The following RBM12 variants were observed in gnomAD, a reference collection of about 807,000 sequenced individuals.
The protein encoded by RBM12 is RNA binding motif protein 12.
A neutral mutation model predicts 37.2 loss-of-function variants in RBM12; 24 were observed. The ratio of observed to expected loss-of-function variants is 0.65; its 90% CI spans 0.47 to 0.91. The LOEUF (loss-of-function observed/expected upper bound fraction) is 0.91. Ranked by LOEUF, RBM12 falls within the 40% of genes least tolerant of loss-of-function variation. The pLI is 0.00. For synonymous variants in RBM12, 420 were observed against 425.2 expected, an observed-to-expected ratio of 0.99 and a Z score of 0.15; for missense variants, 1,061 against 1,183.2, an observed-to-expected ratio of 0.90 and a Z score of 1.52.
chr20:35,664,011 T>C (rs2034390393), intron 1 of RBM12, among the ~76,000 whole-genome samples: 1 of 152,310 alleles, frequency 6.6e-6, no homozygotes, highest in African/African-American at 2.4e-5. Flanking sequence ...CCTTCCCTAC[T>C]GGGGGACCAA....
chr20:35,655,032 T>C lies in RBM12; in HGVS notation c.291A>G (p.Ile97Met), dbSNP rs201065667. The change falls in exon 3 of 3, where the codon ATA becomes ATG. Residue 97 changes from isoleucine (I) to methionine (M), a missense_variant. Ile to Met is a conservative substitution (Grantham distance 10). This residue lies in a region of RBM12 where 540 missense variants were observed against 632.7 expected (regional missense o/e 0.85). Transcript: ENST00000374114. ...CTGATCTACTGGCATTTGCTGGTGG[T>C]ATATCTAAGTTGGCAGTTTCAAAAC... ...RRRFETANLD[I>M]PPANASRSGP... 15 of 1,614,154 alleles carry C rather than the reference T, an allele frequency of 9.3e-6. No homozygotes were observed. In the African/African-American group the frequency reaches 2.0e-4, roughly 22 times the overall value.
chr20:35,663,750 CCCG>C (rs1182963269), intron 1 of RBM12, among the ~76,000 whole-genome samples: 2 of 152,186 alleles, frequency 1.3e-5, no homozygotes, highest in East Asian at 3.8e-4. Context: ...ACACAAAAAG[CCCG>C]TACGTTTACA....
intron 1 of RBM12, among the ~76,000 whole-genome samples, chr20:35,664,060 G>A (rs73905926): frequency 6.6e-6 from 1 of 152,026 alleles, no homozygotes; most frequent in East Asian, 1.9e-4. Flanking sequence ...AGCCTCAGGA[G>A]GCGTACTCAC....
At chr20:35,661,296 C>A (rs2034218003) in intron 1 of RBM12, among the ~76,000 whole-genome samples, 1 of 152,170 alleles carries the variant, frequency 6.6e-6, no homozygotes, top group South Asian at 2.1e-4. Flanking sequence ...CACTGTTTTC[C>A]AGGAAACTAC....
At chr20:35,660,968 A>G (rs1938923372) in intron 1 of RBM12, among the ~76,000 whole-genome samples, 1 of 152,242 alleles carries the variant, frequency 6.6e-6, no homozygotes, top group African/African-American at 2.4e-5. Flanking sequence ...TAAAAGGAAG[A>G]TATTTCTCAT....
chr20:35,653,535 A>T lies in RBM12; in HGVS notation c.1788T>A (p.Asp596Glu). Residue 596 changes from aspartate to glutamate, a missense_variant, in exon 3 of 3, where the codon GAT (aspartate) becomes GAA (glutamate). Transcript: ENST00000374114. ...GQALVQFKNEDDARKSERLHR... is the reference protein window; with the variant it reads ...GQALVQFKNEEDARKSERLHR... ...GTAAGCGTTCAGACTTACGTGCATCATCTTCATTTTTAAACTGAACCAATG... is the reference window on the plus strand; with the variant it reads ...GTAAGCGTTCAGACTTACGTGCATCTTCTTCATTTTTAAACTGAACCAATG... 1 of 1,614,226 alleles carries T rather than the reference A, an allele frequency of 6.2e-7. No individual in the cohort carries two copies. The highest frequency in any genetic ancestry group is 8.5e-7 in the Non-Finnish European group (1 of 1,180,044).
chr20:35,662,169 A>G (rs1425236088), intron 1 of RBM12, among the ~76,000 whole-genome samples: 1 of 152,172 alleles, frequency 6.6e-6, no homozygotes, highest in Non-Finnish European at 1.5e-5. Context: ...TCCGTACTCA[A>G]AGGCAGCAAA....
intron 2 of RBM12, among the ~76,000 whole-genome samples, chr20:35,658,296 A>G (rs2034022858): frequency 6.6e-6 from 1 of 152,190 alleles, no homozygotes; most frequent in Admixed American, 6.5e-5. Flanking sequence ...AAACATATCA[A>G]TAACAAGCAT....
chr20:35,655,268 T>C lies in RBM12; in HGVS notation c.55A>G (p.Ile19Val), dbSNP rs376426544. The C allele has an allele frequency of 1.6e-5, 26 of 1,612,140 alleles. No homozygotes were observed. The highest frequency in any genetic ancestry group is 2.0e-5 in the Non-Finnish European group (24 of 1,179,924). The change falls in exon 3 of 3, where the codon ATT (isoleucine) becomes GTT (valine). Residue 19 changes from isoleucine (I) to valine (V), a missense_variant. Physicochemically the swap from Ile to Val is conservative, Grantham distance 29. Transcript: ENST00000374114. Reference sequence around the variant, plus strand: ...GTCAATCCAGAGAAGAAGTGGCGAATGTCCATGGTCCCCGCCACAATTGGG... The same window carrying C: ...GTCAATCCAGAGAAGAAGTGGCGAACGTCCATGGTCCCCGCCACAATTGGG... ...GLPIVAGTMD[I>V]RHFFSGLTIP...
At chr20:35,663,210 C>A (rs1179992370) in intron 1 of RBM12, among the ~76,000 whole-genome samples, 1 of 152,146 alleles carries the variant, frequency 6.6e-6, no homozygotes, top group Non-Finnish European at 1.5e-5. Flanking sequence ...ATCAAAACTG[C>A]CAAATTTCAA....
intron 2 of RBM12, among the ~76,000 whole-genome samples, chr20:35,657,060 C>G (rs546975086): frequency 1.3e-5 from 2 of 152,314 alleles, no homozygotes; most frequent in East Asian, 3.9e-4. Flanking sequence ...TTGGCTTTGA[C>G]AGTTTTCTCA....
In RBM12 at chr20:35,653,333, T is replaced by C. The variant is rs2033670903; in HGVS notation, c.1990A>G (p.Ser664Gly). The C allele has an allele frequency of 6.2e-7, 1 of 1,614,056 alleles. No homozygotes were observed. Among genetic ancestry groups the C allele is most frequent in the Non-Finnish European group, 8.5e-7 (1 of 1,179,986 alleles). The change falls in exon 3 of 3, where the codon AGT becomes GGT. Residue 664 changes from serine (S) to glycine (G), a missense_variant. Physicochemically the swap from Ser to Gly is moderately conservative, Grantham distance 56. Transcript: ENST00000374114. The part of the protein sequence containing the change: ...NAGLPGVGLP[S>G]AGLPGAGLPS... ...AGGCCTGCACCGGGAAGTCCTGCAC[T>C]GGGCAGTCCCACACCGGGCAGTCCC... is the stretch of plus-strand genomic sequence containing the variant.
At chr20:35,655,957 A>G (rs2033873829) in intron 2 of RBM12, among the ~76,000 whole-genome samples, 1 of 152,200 alleles carries the variant, frequency 6.6e-6, no homozygotes, top group African/African-American at 2.4e-5. Context: ...AAACTTTTCA[A>G]TCTGCCTTGT....
chr20:35,653,674 T>C lies in RBM12; in HGVS notation c.1649A>G (p.Asn550Ser), dbSNP rs761223036. ...CATCTTTGTAATGCTGAATGGAATA[T>C]TTGTTATGTGGGCACAGACTTTGGC... ...NSAKVCAHIT[N>S]IPFSITKMDV... The change falls in exon 3 of 3, where the codon AAT becomes AGT. Residue 550 changes from asparagine to serine, a missense_variant. Asn to Ser is a conservative substitution (Grantham distance 46). Around this residue, in one of 3 missense-constraint regions of RBM12, gnomAD observed 517 missense variants for 534.0 expected, o/e 0.97. Coordinates refer to ENST00000374114, the MANE Select transcript of RBM12 (RefSeq NM_006047.6). 3 of 1,614,210 alleles carry C rather than the reference T, an allele frequency of 1.9e-6. No individual in the cohort carries two copies. The highest frequency in any genetic ancestry group is 1.3e-5 in the African/African-American group (1 of 75,050).
chr20:35,653,379 T>G lies in RBM12; in HGVS notation c.1944A>C (p.Ala648=). Residue 648 remains alanine, a synonymous_variant, in exon 3 of 3, where the codon GCA becomes GCC. Transcript: ENST00000374114. ...GLKMPVPGNP[A]VPGMPNAGLP... Reference sequence around the variant, plus strand: ...GTCCCGCATTGGGCATTCCTGGAACTGCAGGATTACCTGGCACAGGCATCT... The same window carrying G: ...GTCCCGCATTGGGCATTCCTGGAACGGCAGGATTACCTGGCACAGGCATCT... 6.2e-7 allele frequency: 1 copy of G among 1,614,130 alleles called. No individual in the cohort carries two copies. Among genetic ancestry groups the G allele is most frequent in the Non-Finnish European group, 8.5e-7 (1 of 1,179,986 alleles).
chr20:35,649,054 T>C lies in RBM12; in HGVS notation c.*3470A>G, dbSNP rs1568928264. 3 of 152,674 alleles carry C rather than the reference T, an allele frequency of 2.0e-5. No individual in the cohort carries two copies. The allele number at this position is 152,674 out of a possible 1,614,324, so 9.5% of individuals were successfully genotyped here. A position where few individuals can be genotyped will look rare whatever the true frequency, so the allele number is the denominator to read the frequency against. ...GCCAAGGCAGTATTTGCTGGCAATG[T>C]TGTGGCCATATTGGCAACAAGCCAT... On this transcript the variant is annotated 3_prime_UTR_variant, in exon 3 of 3. Coordinates refer to ENST00000374114, the MANE Select transcript of RBM12 (RefSeq NM_006047.6).
At position 35,651,536 on chromosome 20, in the gene RBM12, A is replaced by G. The variant is rs1945190561; in HGVS notation, c.*988T>C. Reference sequence around the variant, plus strand: ...ATTTCAACTTCAGTTTTAAAAACCTAGATATAACACTTTCTTATGAATGGG... The same window carrying G: ...ATTTCAACTTCAGTTTTAAAAACCTGGATATAACACTTTCTTATGAATGGG... On this transcript the variant is annotated 3_prime_UTR_variant, in exon 3 of 3. Coordinates refer to ENST00000374114, the MANE Select transcript of RBM12 (RefSeq NM_006047.6). 1 of 152,226 alleles carries G rather than the reference A, an allele frequency of 6.6e-6. No individual in the cohort carries two copies. The highest frequency in any genetic ancestry group is 2.1e-4 in the South Asian group (1 of 4,832). The allele number at this position is 152,226 out of a possible 1,614,324, so 9.4% of individuals were successfully genotyped here. A position where few individuals can be genotyped will look rare whatever the true frequency, so the allele number is the denominator to read the frequency against.
chr20:35,657,746 T>G (rs1462595115), intron 2 of RBM12, among the ~76,000 whole-genome samples: 1 of 152,216 alleles, frequency 6.6e-6, no homozygotes, highest in Non-Finnish European at 1.5e-5. Context: ...AAAAATTGTT[T>G]CTAGCTTCCA....
chr20:35,659,169 A>T (rs2034090092), intron 1 of RBM12, among the ~76,000 whole-genome samples, 155 bp from the exon 2 acceptor site: 1 of 152,102 alleles, frequency 6.6e-6, no homozygotes, highest in African/African-American at 2.4e-5. Context: ...AGACACCGTA[A>T]CAAAATCCCA....
Sources: allele counts gnomAD v4.1 joint callset (sites outside exome capture counted in the v4.1 genomes callset), GRCh38; gene constraint gnomAD v4.1.1; regional missense constraint gnomAD v4.1.1; transcripts MANE v1.5; gene names NCBI Gene and HGNC (gene_info 2026-07-23, HGNC 2026-07-21).